The following EEPD1 variants were observed in gnomAD, a reference collection of about 807,000 sequenced individuals.
The protein encoded by EEPD1 is endonuclease/exonuclease/phosphatase family domain containing 1.
A neutral mutation model predicts 46.3 loss-of-function variants in EEPD1; 17 were observed. The ratio of observed to expected loss-of-function variants is 0.37; its 90% CI spans 0.25 to 0.55. The LOEUF is 0.55. Among genes scored for constraint, EEPD1 ranks in the 20% least tolerant of loss-of-function variants. EEPD1 has a pLI of 0.83. For missense variants in EEPD1, 673 were observed against 745.6 expected (o/e 0.90, Z 1.13); for synonymous variants, 313 against 315.6 (o/e 0.99, Z 0.09).
intron 2 of EEPD1, among the ~76,000 whole-genome samples, chr7:36,158,677 G>A (rs1488297198): frequency 1.3e-5 from 2 of 152,194 alleles, no homozygotes; most frequent in African/African-American, 2.4e-5. Flanking sequence ...CTCAGTCTTA[G>A]GCAATACTCT....
intron 2 of EEPD1, among the ~76,000 whole-genome samples, chr7:36,157,626 A>T (rs528879628): frequency 6.6e-6 from 1 of 152,266 alleles, no homozygotes; most frequent in Non-Finnish European, 1.5e-5. Flanking sequence ...GCACCGTCAC[A>T]TTCTCACTCT....
At chr7:36,285,460 C>T (rs1282934192) in intron 5 of EEPD1, among the ~76,000 whole-genome samples, 3 of 152,148 alleles carry the variant, frequency 2.0e-5, no homozygotes, top group African/African-American at 4.8e-5. Context: ...ATCTCTGTCC[C>T]CCCAGCATCT....
intron 3 of EEPD1, among the ~76,000 whole-genome samples, chr7:36,248,315 C>T (rs1786673762): frequency 6.6e-6 from 1 of 151,436 alleles, no homozygotes; most frequent in Non-Finnish European, 1.5e-5. Context: ...AGCGATTTTA[C>T]CCCCCTCAGC....
chr7:36,286,158 G>A (rs1181202797), intron 5 of EEPD1, among the ~76,000 whole-genome samples: 2 of 152,102 alleles, frequency 1.3e-5, no homozygotes, highest in Non-Finnish European at 2.9e-5. Flanking sequence ...TGTTTTTAAG[G>A]GTATAATGAG....
intron 2 of EEPD1, among the ~76,000 whole-genome samples, chr7:36,160,245 A>G (rs1467883115): frequency 6.6e-6 from 1 of 152,244 alleles, no homozygotes; most frequent in African/African-American, 2.4e-5. Context: ...GGAGAACAAG[A>G]CAAAGTCCCT....
intron 2 of EEPD1, among the ~76,000 whole-genome samples, chr7:36,224,151 A>G (rs954198299): frequency 6.6e-6 from 1 of 152,262 alleles, no homozygotes; most frequent in Non-Finnish European, 1.5e-5. Flanking sequence ...GGCATTAAAT[A>G]GGCAATTTGC....
intron 2 of EEPD1, among the ~76,000 whole-genome samples, chr7:36,175,825 G>A (rs1785167436): frequency 6.6e-6 from 1 of 152,188 alleles, no homozygotes; most frequent in South Asian, 2.1e-4. Flanking sequence ...GGGGACCGCA[G>A]CTGGACCTGA....
At chr7:36,261,288 A>G (rs929577519) in intron 3 of EEPD1, among the ~76,000 whole-genome samples, 4 of 152,236 alleles carry the variant, frequency 2.6e-5, no homozygotes, top group African/African-American at 9.6e-5. Flanking sequence ...TTGGGTTGGA[A>G]GAGGGCCTGC....
At chr7:36,198,872 A>G (rs1004112813) in intron 2 of EEPD1, among the ~76,000 whole-genome samples, 8 of 151,958 alleles carry the variant, frequency 5.3e-5, no homozygotes, top group Middle Eastern at 6.8e-3. Flanking sequence ...GGGGGGCCCG[A>G]TTGACTGCTG....
Position 36,198,546 on chromosome 7 carries a change from T to TAATA in EEPD1, c.879-40429_879-40426dup, listed in dbSNP as rs557787878. ...GACTGTAGAATTTTTATTTGTCAAT[T>TAATA]AATAAATAAATAAGCTCACAAGATG... On this transcript the variant is annotated intron_variant, in intron 2 of 7. Transcript: ENST00000242108. Among the ~76,000 whole-genome samples, 706 of 152,158 alleles carry TAATA rather than the reference T, an allele frequency of 4.6e-3. 5 individuals are homozygous for TAATA. The highest frequency in any genetic ancestry group is 0.016 in the African/African-American group (667 of 41,522).
At chr7:36,171,004 C>T (rs1785071379) in intron 2 of EEPD1, among the ~76,000 whole-genome samples, 1 of 152,220 alleles carries the variant, frequency 6.6e-6, no homozygotes, top group Admixed American at 6.5e-5. Flanking sequence ...TCACAGCAGC[C>T]TCAAACTCCG....
chr7:36,290,967 C>T (rs762474836), intron 6 of EEPD1, among the ~76,000 whole-genome samples: 2 of 152,272 alleles, frequency 1.3e-5, no homozygotes, highest in South Asian at 2.1e-4. Flanking sequence ...TCATCACCGA[C>T]GCGGATTCAA....
intron 3 of EEPD1, among the ~76,000 whole-genome samples, chr7:36,255,503 AGAACTTGTTATTGGG>A (rs1786815535): frequency 6.6e-6 from 1 of 151,708 alleles, no homozygotes; most frequent in Non-Finnish European, 1.5e-5. Context: ...TGGGCTTTTC[AGAACTTGTTATTGGG>A]CTATTCAGGG....
At chr7:36,198,761 C>G (rs939283389) in intron 2 of EEPD1, among the ~76,000 whole-genome samples, 4 of 152,140 alleles carry the variant, frequency 2.6e-5, no homozygotes, top group Non-Finnish European at 4.4e-5. Flanking sequence ...CTGCTTTGGC[C>G]TTGTCTCCTT....
chr7:36,154,989 C>A lies in EEPD1; in HGVS notation c.665C>A (p.Thr222Asn). The change falls in exon 2 of 8, where the codon ACT becomes AAT. Residue 222 changes from threonine to asparagine, a missense_variant. Transcript: ENST00000242108. This position sits in a 1 kb window ranked among gnomAD's most constrained non-coding sequence, Gnocchi z 4.2. Reference protein sequence around the residue: ...TFTAKPHPSPTSLSLQSEDLD... With the variant: ...TFTAKPHPSPNSLSLQSEDLD... Reference sequence around the variant, plus strand: ...ACCGCCAAGCCTCACCCGAGCCCCACTTCCCTGAGCCTGCAGAGTGAGGAC... The same window carrying A: ...ACCGCCAAGCCTCACCCGAGCCCCAATTCCCTGAGCCTGCAGAGTGAGGAC... 1.9e-6 allele frequency: 3 copies of A among 1,613,354 alleles called. No homozygotes were observed. The highest frequency in any genetic ancestry group is 2.5e-6 in the Non-Finnish European group (3 of 1,179,564).
At chr7:36,203,194 G>T (rs1785745831) in intron 2 of EEPD1, among the ~76,000 whole-genome samples, 1 of 152,128 alleles carries the variant, frequency 6.6e-6, no homozygotes, top group South Asian at 2.1e-4. Context: ...CTCGTGGCAG[G>T]GCCATGCCAG....
chr7:36,187,942 C>T (rs1785389848), intron 2 of EEPD1, among the ~76,000 whole-genome samples: 1 of 152,124 alleles, frequency 6.6e-6, no homozygotes, highest in African/African-American at 2.4e-5. Context: ...GGATTACAGG[C>T]ACGTGCCACC....
chr7:36,163,546 A>G (rs1006055272), intron 2 of EEPD1, among the ~76,000 whole-genome samples: 2 of 152,146 alleles, frequency 1.3e-5, no homozygotes, highest in African/African-American at 4.8e-5. Context: ...TTATAATCCA[A>G]AGTCTTTGCA....
At chr7:36,287,236 CAAAAAAAA>C (rs377318198) in intron 5 of EEPD1, among the ~76,000 whole-genome samples, 1 of 42,204 alleles carries the variant, frequency 2.4e-5, no homozygotes, top group Non-Finnish European at 3.8e-5. Flanking sequence ...GACTCCTTCT[CAAAAAAAA>C]AAAAAAAAAA....
Sources: allele counts gnomAD v4.1 joint callset (sites outside exome capture counted in the v4.1 genomes callset), GRCh38; gene constraint gnomAD v4.1.1; non-coding constraint Gnocchi (gnomAD v3.1); transcripts MANE v1.5; gene names NCBI Gene and HGNC (gene_info 2026-07-23, HGNC 2026-07-21).